Variants in C5 observed in about 807,000 individuals in gnomAD.
C5 encodes C3 and PZP-like alpha-2-macroglobulin domain-containing protein 4.
Under a neutral mutation model 218.8 loss-of-function variants are expected in C5, and 140 were observed. The ratio of observed to expected loss-of-function variants is 0.64; its 90% CI spans 0.56 to 0.74. C5 has a LOEUF of 0.74. C5 is among the 30% of genes least tolerant of loss of function. The pLI, the probability that C5 is intolerant of heterozygous loss-of-function variation, is 0.00. For synonymous variants in C5, 614 were observed against 682.3 expected, an observed-to-expected ratio of 0.90 and a Z score of 1.56; for missense variants, 1,700 against 1,969.6, an observed-to-expected ratio of 0.86 and a Z score of 2.59.
intron 20 of C5, among the ~76,000 whole-genome samples, chr9:121,001,108 A>G (rs1305882370): frequency 1.3e-5 from 2 of 152,244 alleles, no homozygotes; most frequent in African/African-American, 2.4e-5. Context: ...ATCAATAAAG[A>G]ATTTATAGCT....
At chr9:121,007,066 A>G (rs1468131489) in intron 18 of C5, 89 bp from the exon 19 acceptor site, 47 of 989,272 alleles carry the variant, frequency 4.8e-5, no homozygotes, top group Non-Finnish European at 6.9e-5. Flanking sequence ...TTTTTGCTTC[A>G]AACTACTTTA....
chr9:121,034,923 G>A (rs2047510844), intron 4 of C5, 29 bp from the exon 5 acceptor site: 1 of 1,123,006 alleles, frequency 8.9e-7, no homozygotes, highest in African/African-American at 1.5e-5. Context: ...ACCCTCAAAG[G>A]CCAGAAACTA....
intron 5 of C5, among the ~76,000 whole-genome samples, chr9:121,033,933 T>C (rs893473719): frequency 6.6e-6 from 1 of 151,594 alleles, no homozygotes. Context: ...TTCTTCTTTC[T>C]ATCTTAGTTG....
chr9:120,989,609 G>T lies in C5; in HGVS notation c.3113C>A (p.Pro1038Gln). The part of the protein sequence containing the change: ...GNHWNIFHSD[P>Q]LIEKQKLKKK... ...CTTCAGTTTCTGCTTTTCAATTAAT[G>T]GGTCAGAATGAAAAATGTTCCAATG... Residue 1038 changes from proline (P) to glutamine (Q), a missense_variant, in exon 24 of 41, where the codon CCA becomes CAA. Transcript: ENST00000223642. 6.2e-7 allele frequency: 1 copy of T among 1,610,600 alleles called. No individual in the cohort carries two copies. The highest frequency in any genetic ancestry group is 8.5e-7 in the Non-Finnish European group (1 of 1,178,580).
At chr9:121,007,922 C>T (rs980655793) in intron 18 of C5, among the ~76,000 whole-genome samples, 1 of 152,174 alleles carries the variant, frequency 6.6e-6, no homozygotes, top group East Asian at 1.9e-4. Context: ...CTTGCCTTCT[C>T]ATTGGAAAAC....
At chr9:121,002,290 GTA>G (rs1246255640) in intron 20 of C5, among the ~76,000 whole-genome samples, 5 of 101,272 alleles carry the variant, frequency 4.9e-5, no homozygotes, top group African/African-American at 1.7e-4. Flanking sequence ...ACGTATATAT[GTA>G]TATATGTATA....
At chr9:120,958,069 T>G (rs1308614221) in intron 38 of C5, among the ~76,000 whole-genome samples, 2 of 152,198 alleles carry the variant, frequency 1.3e-5, no homozygotes, top group Non-Finnish European at 1.5e-5. Flanking sequence ...TTGAAATTAG[T>G]GACCTAAAAG....
At chr9:121,024,467 G>A (rs1043085901) in intron 9 of C5, among the ~76,000 whole-genome samples, 1 of 151,924 alleles carries the variant, frequency 6.6e-6, no homozygotes, top group African/African-American at 2.4e-5. Flanking sequence ...AACATTTGAA[G>A]CTTTAATATT....
chr9:120,962,539 T>C, intron 36 of C5, 132 bp downstream of exon 36: 1 of 772,588 alleles, frequency 1.3e-6, no homozygotes. Context: ...AATGTTCAAA[T>C]TGGGACTTTC....
chr9:121,064,448 T>C, the C5 span, among the ~76,000 whole-genome samples: 1 of 152,182 alleles, frequency 6.6e-6, no homozygotes, highest in Non-Finnish European at 1.5e-5. Context: ...TGATAGTTCT[T>C]ATTAGACCCC....
intron 17 of C5, among the ~76,000 whole-genome samples, chr9:121,009,759 C>A (rs763573616): frequency 4.6e-5 from 7 of 152,202 alleles, no homozygotes; most frequent in Non-Finnish European, 8.8e-5. Flanking sequence ...TTGAAGAGGG[C>A]AGGAAAGATA....
At position 120,960,317 on chromosome 9, in the gene C5, C is replaced by T. The variant is rs756015488; in HGVS notation, c.4609G>A (p.Glu1537Lys). 6.2e-7 allele frequency: 1 copy of T among 1,613,008 alleles called. No individual in the cohort carries two copies. The highest frequency in any genetic ancestry group is 8.5e-7 in the Non-Finnish European group (1 of 1,179,392). ...CVEADCGQMQ[E>K]ELDLTISAET... ...GCAGAGATTGTCAGATCCAATTCTT[C>T]CTGCATTTGCCCACAATCAGCTGGA... Residue 1537 changes from glutamate (E) to lysine (K), a missense_variant, in exon 38 of 41, where the codon GAA becomes AAA. By Grantham distance (56) the Glu-to-Lys change is moderately conservative. Transcript: ENST00000223642.
At position 120,955,893 on chromosome 9, in the gene C5, G is replaced by A. The variant is rs41313625; in HGVS notation, c.4762+1392C>T. Among the ~76,000 whole-genome samples, 855 of 151,702 alleles carry A rather than the reference G, an allele frequency of 5.6e-3. 1 individual carries two copies. Among genetic ancestry groups the A allele is most frequent in the Middle Eastern group, 0.021 (6 of 290 alleles). On this transcript the variant is annotated intron_variant, in intron 39 of 40. Transcript: ENST00000223642. ...CCCGTCTCAAAAGAAAAAAAATCAA[G>A]CATTTTAGGACTTGAAATATTTGAT...
Position 121,020,177 on chromosome 9 carries a change from G to T in C5, c.1305C>A (p.Val435=), listed in dbSNP as rs752123568. 1.2e-6 allele frequency: 2 copies of T among 1,612,652 alleles called. No individual in the cohort carries two copies. The highest frequency in any genetic ancestry group is 1.7e-6 in the Non-Finnish European group (2 of 1,178,714). ...CTGGAAGATCTGGAGCATCAGTTTT[G>T]ACCTGAAAAGAGAAATTTCAAAAAG... ...PSGVTVLEFN[V]KTDAPDLPEE... Residue 435 remains valine (V), a splice_region_variant and synonymous_variant, in exon 12 of 41, where the codon GTC becomes GTA. Transcript: ENST00000223642.
chr9:120,989,843 A>C, intron 23 of C5, 63 bp from the exon 24 acceptor site: 4 of 1,300,244 alleles, frequency 3.1e-6, no homozygotes, highest in Non-Finnish European at 4.4e-6. Context: ...GTATGTTCTC[A>C]AGAGAGAAGA....
Position 121,039,977 on chromosome 9 carries a change from G to A in C5, c.422-2026C>T, listed in dbSNP as rs564993699. 2.0e-5 allele frequency among the ~76,000 whole-genome samples: 3 copies of A among 152,340 alleles called. No individual in the cohort carries two copies. In the South Asian group the frequency reaches 6.2e-4, roughly 32 times the overall value. ...TGTGCCAGTCATTATGCTACGTACTGAGATACAGTAGTGAAACAAATCAGA... is the reference window on the plus strand; with the variant it reads ...TGTGCCAGTCATTATGCTACGTACTAAGATACAGTAGTGAAACAAATCAGA... On this transcript the variant is annotated intron_variant, in intron 3 of 40. Coordinates refer to ENST00000223642, the MANE Select transcript of C5 (RefSeq NM_001735.3).
At chr9:120,993,359 A>G (rs1039032660) in intron 22 of C5, among the ~76,000 whole-genome samples, 3 of 152,244 alleles carry the variant, frequency 2.0e-5, no homozygotes, top group Non-Finnish European at 2.9e-5. Context: ...TAAAATGGTG[A>G]GGGAACATGC....
At chr9:121,066,720 C>T in the C5 span, among the ~76,000 whole-genome samples, 1 of 150,942 alleles carries the variant, frequency 6.6e-6, no homozygotes, top group Non-Finnish European at 1.5e-5. Flanking sequence ...CGAGGTGGTG[C>T]GTGCCTGTAA....
At chr9:121,040,544 C>A (rs1392807723) in intron 3 of C5, among the ~76,000 whole-genome samples, 1 of 152,246 alleles carries the variant, frequency 6.6e-6, no homozygotes, top group East Asian at 1.9e-4. Context: ...TTAAAAAATA[C>A]TTTTAAGTAA....
Sources: gnomAD v4.1 joint callset for allele counts (sites outside exome capture counted in the v4.1 genomes callset) on GRCh38, gnomAD v4.1.1 for gene constraint, MANE v1.5 for transcripts, NCBI Gene and HGNC (gene_info 2026-07-23, HGNC 2026-07-21) for gene names.